CREB5: variants seen among roughly 807,000 people sequenced by gnomAD.
CREB5 encodes cyclic AMP-responsive element-binding protein 5.
A neutral mutation model predicts 57.1 loss-of-function variants in CREB5; 19 were observed. The ratio of observed to expected loss-of-function variants is 0.33; its 90% CI spans 0.23 to 0.49. The LOEUF is 0.49. Ranked by LOEUF, CREB5 falls within the 20% of genes least tolerant of loss-of-function variation. The pLI is 0.99. For missense variants in CREB5, 579 were observed against 671.6 expected (o/e 0.86, Z 1.52); for synonymous variants, 238 against 238.3 (o/e 1.00, Z 0.01).
At chr7:28,789,306 C>T (rs1248474426) in intron 7 of CREB5, among the ~76,000 whole-genome samples, 2 of 152,102 alleles carry the variant, frequency 1.3e-5, no homozygotes, top group African/African-American at 2.4e-5. Flanking sequence ...CATTAAGTTC[C>T]GAAATGAACA....
chr7:28,802,521 A>T (rs912531486), intron 7 of CREB5, among the ~76,000 whole-genome samples: 1 of 152,238 alleles, frequency 6.6e-6, no homozygotes, highest in Admixed American at 6.5e-5. Flanking sequence ...CATGAATCAG[A>T]TAAGAACACA....
intron 5 of CREB5, among the ~76,000 whole-genome samples, chr7:28,700,421 G>A (rs1350612613): frequency 6.6e-6 from 1 of 152,106 alleles, no homozygotes; most frequent in Non-Finnish European, 1.5e-5. Flanking sequence ...CATAAATGAT[G>A]AATTCCTGCA....
chr7:28,387,881 A>G (rs1787143489), intron 1 of CREB5, among the ~76,000 whole-genome samples: 1 of 152,142 alleles, frequency 6.6e-6, no homozygotes, highest in Admixed American at 6.5e-5. Flanking sequence ...TCAGGTTTTT[A>G]TTTCATATTC....
At chr7:28,504,005 G>A (rs1291916652) in intron 3 of CREB5, among the ~76,000 whole-genome samples, 2 of 152,160 alleles carry the variant, frequency 1.3e-5, no homozygotes, top group Non-Finnish European at 2.9e-5. Context: ...AATAGATAAG[G>A]CACACTGTCC....
intron 7 of CREB5, among the ~76,000 whole-genome samples, chr7:28,740,998 ATT>A (rs34485539): frequency 3.3e-4 from 48 of 145,486 alleles, no homozygotes; most frequent in East Asian, 2.4e-3. Flanking sequence ...CCATGCAGGG[ATT>A]TTTTTTTTTT....
intron 1 of CREB5, among the ~76,000 whole-genome samples, chr7:28,399,192 C>A (rs1450752079): frequency 6.6e-6 from 1 of 151,602 alleles, no homozygotes. Flanking sequence ...GTATTGACAT[C>A]ATAACAAAAA....
intron 4 of CREB5, among the ~76,000 whole-genome samples, chr7:28,526,456 G>A (rs144736457): frequency 6.6e-6 from 1 of 152,320 alleles, no homozygotes; most frequent in African/African-American, 2.4e-5. Context: ...CAGTTACTTA[G>A]CCTCTAAACT....
At chr7:28,439,608 G>T (rs1789101423) in intron 1 of CREB5, among the ~76,000 whole-genome samples, 1 of 152,138 alleles carries the variant, frequency 6.6e-6, no homozygotes, top group Admixed American at 6.5e-5. Flanking sequence ...CAAGGTCACA[G>T]AGCCAATAAA....
At chr7:28,770,172 A>G (rs528405376) in intron 7 of CREB5, among the ~76,000 whole-genome samples, 2 of 152,170 alleles carry the variant, frequency 1.3e-5, no homozygotes, top group African/African-American at 2.4e-5. Context: ...GAGCCGGTGG[A>G]GAAAGGGGAG....
intron 1 of CREB5, among the ~76,000 whole-genome samples, chr7:28,325,233 G>A (rs1351086321): frequency 6.6e-6 from 1 of 152,184 alleles, no homozygotes; most frequent in East Asian, 1.9e-4. Context: ...GAGGTGGGTG[G>A]ATCACAAGGT....
chr7:28,407,451 G>A (rs35824403), intron 1 of CREB5, among the ~76,000 whole-genome samples: 10,488 of 152,254 alleles, frequency 0.069, 514 homozygotes, highest in Middle Eastern at 0.13. Flanking sequence ...AGAACCAGGC[G>A]TCAAGTAGCA....
intron 1 of CREB5, among the ~76,000 whole-genome samples, chr7:28,321,745 C>T (rs1013093831): frequency 3.9e-5 from 6 of 152,162 alleles, no homozygotes; most frequent in African/African-American, 1.4e-4. Context: ...GTGCACACTT[C>T]ATTGTTCCAC....
intron 5 of CREB5, among the ~76,000 whole-genome samples, chr7:28,716,393 CCTAA>C (rs1802687037): frequency 6.6e-6 from 1 of 152,106 alleles, no homozygotes; most frequent in Admixed American, 6.5e-5. Context: ...TTTACTTGTT[CCTAA>C]CTGTCTATAC....
intron 1 of CREB5, among the ~76,000 whole-genome samples, chr7:28,384,578 A>G (rs1192063071): frequency 6.6e-6 from 1 of 151,860 alleles, no homozygotes; most frequent in Non-Finnish European, 1.5e-5. Flanking sequence ...CAAAGCAGTT[A>G]CCTCTCCTAA....
intron 4 of CREB5, among the ~76,000 whole-genome samples, chr7:28,530,432 C>A (rs1000152029): frequency 2.6e-5 from 4 of 152,140 alleles, no homozygotes; most frequent in African/African-American, 9.7e-5. Context: ...GTGCACGAAG[C>A]CATAGCCAAT....
chr7:28,766,344 C>T (rs894602658), intron 7 of CREB5, among the ~76,000 whole-genome samples: 5 of 152,142 alleles, frequency 3.3e-5, no homozygotes, highest in Admixed American at 1.3e-4. Context: ...TCTGCCTCCC[C>T]GCCCCAACTC....
intron 5 of CREB5, among the ~76,000 whole-genome samples, chr7:28,699,604 A>T (rs1214804579): frequency 6.6e-6 from 1 of 152,228 alleles, no homozygotes; most frequent in Non-Finnish European, 1.5e-5. Context: ...GCTGACTCCC[A>T]CCAACTTATG....
At chr7:28,445,046 C>A (rs1269692304) in intron 1 of CREB5, among the ~76,000 whole-genome samples, 1 of 152,154 alleles carries the variant, frequency 6.6e-6, no homozygotes, top group Admixed American at 6.5e-5. Context: ...GGGCGTTTCC[C>A]ATGCTGTTCT....
At chr7:28,469,717 T>C (rs1025043705) in intron 1 of CREB5, among the ~76,000 whole-genome samples, 11 of 152,194 alleles carry the variant, frequency 7.2e-5, no homozygotes, top group African/African-American at 2.7e-4. Context: ...CAGACACTGT[T>C]CTCAATTGTT....
Sources: gnomAD v4.1 joint callset for allele counts (sites outside exome capture counted in the v4.1 genomes callset) on GRCh38, gnomAD v4.1.1 for gene constraint, MANE v1.5 for transcripts, NCBI Gene and HGNC (gene_info 2026-07-23, HGNC 2026-07-21) for gene names.